Variants in KHDC3L observed in about 807,000 individuals in gnomAD.
The protein encoded by KHDC3L is KH domain-containing protein 3.
A neutral mutation model predicts 11.4 loss-of-function variants in KHDC3L; 6 were observed. That is an observed-to-expected ratio of 0.52 (90% CI 0.29 to 1.03). The LOEUF is 1.03. Ranked by LOEUF, KHDC3L falls within the 50% of genes least tolerant of loss-of-function variation. The pLI is 0.09. For synonymous variants in KHDC3L, 127 were observed against 120.9 expected, an observed-to-expected ratio of 1.05 and a Z score of -0.33; for missense variants, 293 against 290.4, an observed-to-expected ratio of 1.01 and a Z score of -0.07.
rs1214452457 is a variant in KHDC3L, at chr6:73,362,716, G to A, written c.-14G>A. 1 of 1,613,738 alleles carries A rather than the reference G, an allele frequency of 6.2e-7. No individual in the cohort carries two copies. The highest frequency in any genetic ancestry group is 1.3e-5 in the African/African-American group (1 of 74,940). ...TGCTGTGGTGTCCTTGTCTCCTGCA[G>A]GACCGGCCGCAGCATGGACGCTCCC... On this transcript the variant is annotated 5_prime_UTR_variant, in exon 1 of 3. Transcript: ENST00000370367.
chr6:73,363,339 T>C, intron 2 of KHDC3L, 65 bp downstream of exon 2: 1 of 1,589,016 alleles, frequency 6.3e-7, no homozygotes, highest in Non-Finnish European at 8.6e-7. Flanking sequence ...TCCTGGGGTT[T>C]CCTGGCTGCT....
rs376848709 is a variant in KHDC3L, at chr6:73,363,849, A to G, written c.643A>G (p.Thr215Ala). Reference protein sequence around the residue: ...RFREDARDPVTRL With the variant: ...RFREDARDPVARL ...TCGCGAGGATGCCCGGGACCCAGTT[A>G]CTAGATTATGAAGGCATCTCAGGCC... is the stretch of plus-strand genomic sequence containing the variant. The change falls in exon 3 of 3, where the codon ACT becomes GCT. Residue 215 changes from threonine (T) to alanine (A), a missense_variant. By Grantham distance (58) the Thr-to-Ala change is moderately conservative. Transcript: ENST00000370367. The G allele has an allele frequency of 2.1e-5, 34 of 1,608,960 alleles. No individual in the cohort carries two copies. The highest frequency in any genetic ancestry group is 2.7e-5 in the Non-Finnish European group (32 of 1,179,968).
intron 1 of KHDC3L, 31 bp downstream of exon 1, chr6:73,362,929 G>A (rs778928764): frequency 3.7e-6 from 6 of 1,614,032 alleles, no homozygotes; most frequent in Non-Finnish European, 3.4e-6. Context: ...CAGCCCCCAT[G>A]CGGCTTCTTT....
At position 73,363,713 on chromosome 6, in the gene KHDC3L, T is replaced by G. The variant is rs1309945219; in HGVS notation, c.507T>G (p.Gly169=). The change falls in exon 3 of 3, where the codon GGT becomes GGG. Residue 169 remains glycine, a synonymous_variant. Transcript: ENST00000370367. ...SVEVQEVGTQ[G]SPVEVQEAGT... is the part of the protein sequence containing the mutation. Reference sequence around the variant, plus strand: ...AAGTCCAGGAGGTCGGGACACAGGGTTCTCCGGTGGAGGTGCAGGAGGCCG... The same window carrying G: ...AAGTCCAGGAGGTCGGGACACAGGGGTCTCCGGTGGAGGTGCAGGAGGCCG... 1.9e-6 allele frequency: 3 copies of G among 1,612,026 alleles called. No homozygotes were observed. The highest frequency in any genetic ancestry group is 1.7e-6 in the Non-Finnish European group (2 of 1,179,630).
At position 73,363,913 on chromosome 6, in the gene KHDC3L, G is replaced by T. The variant is rs1768917123; in HGVS notation, c.*53G>T. ...CAGTCAGGGGTTAAAGTGAAAGCCC[G>T]TATTTCCGCCCAGAAGCTGGGGTTG... On this transcript the variant is annotated 3_prime_UTR_variant, in exon 3 of 3. Transcript: ENST00000370367. 27 of 1,569,308 alleles carry T rather than the reference G, an allele frequency of 1.7e-5. No homozygotes were observed. The highest frequency in any genetic ancestry group is 3.5e-4 in the Middle Eastern group (2 of 5,742).
At chr6:73,363,462 G>A in intron 2 of KHDC3L, 94 bp from the exon 3 acceptor site, 1 of 1,488,550 alleles carries the variant, frequency 6.7e-7, no homozygotes, top group Non-Finnish European at 9.2e-7. Context: ...TGGGATTTCT[G>A]GCTCCTACTC....
In KHDC3L at chr6:73,362,663, C is replaced by G. The variant is rs1768884450; in HGVS notation, c.-67C>G. 3 of 1,548,946 alleles carry G rather than the reference C, an allele frequency of 1.9e-6. No homozygotes were observed. The African/African-American group carries it at 4.1e-5, about 21-fold the overall frequency. ...GCCCAGGCAGAACCGCGGTTCTAGTCTCCCAGCTCCAGCTCGGCCTTTGGG... is the reference window on the plus strand; with the variant it reads ...GCCCAGGCAGAACCGCGGTTCTAGTGTCCCAGCTCCAGCTCGGCCTTTGGG... On this transcript the variant is annotated 5_prime_UTR_variant, in exon 1 of 3. Transcript: ENST00000370367.
At position 73,363,565 on chromosome 6, in the gene KHDC3L, AG is replaced by A; in HGVS notation, c.361del (p.Ala121ProfsTer18). On this transcript the variant is annotated frameshift_variant, in exon 3 of 3. Transcript: ENST00000370367. LOFTEE classifies it low-confidence loss of function (END_TRUNC). Reference sequence around the variant, plus strand: ...ACTGCTCTTCTTCCAGGCTCAGGAAAGGCCCTCGCCCAGGATGTCGCCACTC... The same window carrying A: ...ACTGCTCTTCTTCCAGGCTCAGGAAAGCCCTCGCCCAGGATGTCGCCACTC... ...HRQLQAKGSG[K>X]ALAQDVATQK... The A allele has an allele frequency of 6.2e-7, 1 of 1,609,122 alleles. No individual in the cohort carries two copies. Among genetic ancestry groups the A allele is most frequent in the Non-Finnish European group, 8.5e-7 (1 of 1,179,834 alleles).
At position 73,363,096 on chromosome 6, in the gene KHDC3L, C is replaced by A. The variant is rs1287010583; in HGVS notation, c.171C>A (p.Gly57=). 8.7e-6 allele frequency: 14 copies of A among 1,613,992 alleles called. No homozygotes were observed. Among genetic ancestry groups the A allele is most frequent in the Non-Finnish European group, 1.2e-5 (14 of 1,180,034 alleles). ...ACAGCCTCTCTGCTACCCGCGCAGG[C>A]CGGGGCGGAGAACGCATCCCGCACG... The part of the protein sequence containing the change: ...LEVWLVEKIF[G]RGGERIPHVQ... Residue 57 remains glycine, a splice_region_variant and synonymous_variant, in exon 2 of 3, where the codon GGC becomes GGA. Coordinates refer to ENST00000370367, the MANE Select transcript of KHDC3L (RefSeq NM_001017361.3).
In KHDC3L at chr6:73,362,760, G is replaced by A. The variant is rs372943893; in HGVS notation, c.31G>A (p.Val11Met). The A allele has an allele frequency of 2.0e-5, 33 of 1,614,182 alleles. No homozygotes were observed. In the African/African-American group the frequency reaches 3.5e-4, roughly 17 times the overall value. MDAPRRFPTLVQLMQPKAMPV... is the reference protein window; with the variant it reads MDAPRRFPTLMQLMQPKAMPV... ...CGCTCCCAGGCGGTTTCCGACGCTC[G>A]TGCAACTGATGCAGCCAAAAGCAAT... Residue 11 changes from valine (V) to methionine (M), a missense_variant, in exon 1 of 3, where the codon GTG (valine) becomes ATG (methionine). Physicochemically the swap from Val to Met is conservative, Grantham distance 21 (BLOSUM62 1). Coordinates refer to ENST00000370367, the MANE Select transcript of KHDC3L (RefSeq NM_001017361.3).
In KHDC3L at chr6:73,362,776, C is replaced by A; in HGVS notation, c.47C>A (p.Pro16Gln). Residue 16 changes from proline (P) to glutamine (Q), a missense_variant, in exon 1 of 3, where the codon CCA becomes CAA. Pro to Gln is a moderately conservative substitution (Grantham distance 76). Transcript: ENST00000370367. ...CCGACGCTCGTGCAACTGATGCAGCCAAAAGCAATGCCAGTGGAGGTGCTC... is the reference window on the plus strand; with the variant it reads ...CCGACGCTCGTGCAACTGATGCAGCAAAAAGCAATGCCAGTGGAGGTGCTC... ...RFPTLVQLMQ[P>Q]KAMPVEVLGH... 1 of 1,613,974 alleles carries A rather than the reference C, an allele frequency of 6.2e-7. No homozygotes were observed. Among genetic ancestry groups the A allele is most frequent in the East Asian group, 2.2e-5 (1 of 44,878 alleles).
Position 73,363,633 on chromosome 6 carries a change from G to A in KHDC3L, c.427G>A (p.Ala143Thr). The change falls in exon 3 of 3, where the codon GCC becomes ACC. Residue 143 changes from alanine (A) to threonine (T), a missense_variant. Physicochemically the swap from Ala to Thr is moderately conservative, Grantham distance 58. Coordinates refer to ENST00000370367, the MANE Select transcript of KHDC3L (RefSeq NM_001017361.3). ...GCGGTCTTCAATAGAAGTCCGGGAGGCCGGGACGCAGCGTTCGGTGGAGGT... is the reference window on the plus strand; with the variant it reads ...GCGGTCTTCAATAGAAGTCCGGGAGACCGGGACGCAGCGTTCGGTGGAGGT... ...TQRSSIEVRE[A>T]GTQRSVEVRE... is the part of the protein sequence containing the mutation. 2 of 1,613,168 alleles carry A rather than the reference G, an allele frequency of 1.2e-6. No individual in the cohort carries two copies. The highest frequency in any genetic ancestry group is 1.7e-5 in the Admixed American group (1 of 59,990).
At position 73,363,998 on chromosome 6, in the gene KHDC3L, T is replaced by G; in HGVS notation, c.*138T>G. The stretch of plus-strand genomic sequence containing the variant: ...TGTTGCATGGTTGCAAACACAAACT[T>G]GAGTTCTAATAAAGAATTGCAAAGT... On this transcript the variant is annotated 3_prime_UTR_variant, in exon 3 of 3. Transcript: ENST00000370367. The G allele has an allele frequency of 1.1e-6, 1 of 922,260 alleles. No homozygotes were observed. The highest frequency in any genetic ancestry group is 1.6e-5 in the African/African-American group (1 of 61,218). 57.1% of individuals were successfully genotyped at this position (922,260 alleles called of 1,614,324 possible). A position where few individuals can be genotyped will look rare whatever the true frequency, so the allele number is the denominator to read the frequency against.
chr6:73,364,067 G>GA lies in KHDC3L; in HGVS notation c.*209dup. ...TCCCCCCCGCCTCACTTAAGTCCAG[G>GA]AAGCTGGGGTGGCGAGGAAGGATGA... On this transcript the variant is annotated 3_prime_UTR_variant, in exon 3 of 3. Coordinates refer to ENST00000370367, the MANE Select transcript of KHDC3L (RefSeq NM_001017361.3). 1.4e-5 allele frequency: 9 copies of GA among 625,068 alleles called. No homozygotes were observed. The South Asian group carries it at 1.7e-4, about 12-fold the overall frequency. 38.7% of individuals were successfully genotyped at this position (625,068 alleles called of 1,614,324 possible).
chr6:73,363,034 T>C, intron 1 of KHDC3L, 61 bp from the exon 2 acceptor site: 2 of 1,608,242 alleles, frequency 1.2e-6, no homozygotes, highest in Non-Finnish European at 8.5e-7. Context: ...TCCTTCCACC[T>C]TCCCCTCCCA....
At position 73,363,886 on chromosome 6, in the gene KHDC3L, G is replaced by T; in HGVS notation, c.*26G>T. The T allele has an allele frequency of 1.9e-6, 3 of 1,601,824 alleles. No homozygotes were observed. Among genetic ancestry groups the T allele is most frequent in the Middle Eastern group, 1.7e-4 (1 of 6,026 alleles). On this transcript the variant is annotated 3_prime_UTR_variant, in exon 3 of 3. Transcript: ENST00000370367. Reference sequence around the variant, plus strand: ...AGGCATCTCAGGCCCTGGAGCCAGAGCCAGTCAGGGGTTAAAGTGAAAGCC... The same window carrying T: ...AGGCATCTCAGGCCCTGGAGCCAGATCCAGTCAGGGGTTAAAGTGAAAGCC...
chr6:73,364,047 C>T lies in KHDC3L; in HGVS notation c.*187C>T, dbSNP rs968357637. On this transcript the variant is annotated 3_prime_UTR_variant, in exon 3 of 3. Coordinates refer to ENST00000370367, the MANE Select transcript of KHDC3L (RefSeq NM_001017361.3). Reference sequence around the variant, plus strand: ...GTGGAAGCCCGCCCCCCGCCTCCCCCCCGCCTCACTTAAGTCCAGGAAGCT... The same window carrying T: ...GTGGAAGCCCGCCCCCCGCCTCCCCTCCGCCTCACTTAAGTCCAGGAAGCT... 3 of 659,674 alleles carry T rather than the reference C, an allele frequency of 4.5e-6. No homozygotes were observed. The highest frequency in any genetic ancestry group is 8.0e-6 in the Non-Finnish European group (3 of 375,878). The allele number at this position is 659,674 out of a possible 1,614,324, so 40.9% of individuals were successfully genotyped here.
chr6:73,363,584 C>A lies in KHDC3L; in HGVS notation c.378C>A (p.Val126=). The A allele has an allele frequency of 6.2e-7, 1 of 1,611,372 alleles. No individual in the cohort carries two copies. Among genetic ancestry groups the A allele is most frequent in the Non-Finnish European group, 8.5e-7 (1 of 1,179,908 alleles). Residue 126 remains valine, a synonymous_variant, in exon 3 of 3, where the codon GTC becomes GTA. Coordinates refer to ENST00000370367, the MANE Select transcript of KHDC3L (RefSeq NM_001017361.3). ...CAGGAAAGGCCCTCGCCCAGGATGT[C>A]GCCACTCAGAAGGCCGAGACCCAGC... ...KGSGKALAQD[V]ATQKAETQRS...
chr6:73,363,451 C>A, intron 2 of KHDC3L, 105 bp from the exon 3 acceptor site: 2 of 1,463,628 alleles, frequency 1.4e-6, no homozygotes, highest in South Asian at 1.2e-5. Flanking sequence ...AACCCTCGTT[C>A]TGGGATTTCT....
Sources: gnomAD v4.1 joint callset for allele counts on GRCh38, gnomAD v4.1.1 for gene constraint, MANE v1.5 for transcripts, NCBI Gene and HGNC (gene_info 2026-07-23, HGNC 2026-07-21) for gene names.